The following ME2 variants were observed in gnomAD, a reference collection of about 807,000 sequenced individuals.
ME2 encodes the protein malic enzyme 2, also known as NAD-dependent malic enzyme, mitochondrial.
Under a neutral mutation model 73.7 loss-of-function variants are expected in ME2, and 60 were observed. The ratio of observed to expected loss-of-function variants is 0.81; its 90% CI spans 0.66 to 1.01. The LOEUF (loss-of-function observed/expected upper bound fraction) is 1.01, where lower values mean the gene tolerates loss of function less well. Ranked by LOEUF, ME2 falls within the 50% of genes least tolerant of loss-of-function variation. ME2 has a pLI of 0.00. For missense variants in ME2, 594 were observed against 705.5 expected, an observed-to-expected ratio of 0.84 and a Z score of 1.79; for synonymous variants, 199 against 236.9, an observed-to-expected ratio of 0.84 and a Z score of 1.47.
At chr18:50,924,016 G>A in intron 10 of ME2, 82 bp from the exon 11 acceptor site, 1 of 834,952 alleles carries the variant, frequency 1.2e-6, no homozygotes, top group Non-Finnish European at 2.0e-6. Flanking sequence ...TAGAAACAAT[G>A]TGTAACTCAT....
intron 1 of ME2, among the ~76,000 whole-genome samples, chr18:50,886,956 G>A (rs1312131166): frequency 1.3e-5 from 2 of 152,040 alleles, no homozygotes; most frequent in Non-Finnish European, 2.9e-5. Flanking sequence ...AGCTGAGATC[G>A]TGCCACTGCA....
chr18:50,938,191 G>A lies in ME2; in HGVS notation c.1418-1379G>A, dbSNP rs146344967. 2.3e-3 allele frequency among the ~76,000 whole-genome samples: 353 copies of A among 152,218 alleles called. 2 individuals are homozygous for A. The highest frequency in any genetic ancestry group is 8.3e-3 in the African/African-American group (344 of 41,526). The stretch of plus-strand genomic sequence containing the variant: ...AAAAATAAAAAAATTAGCCAGGTGC[G>A]ATGGTACATGCCTGTAATCCCAGCT... On this transcript the variant is annotated intron_variant, in intron 13 of 15. Coordinates refer to ENST00000321341, the MANE Select transcript of ME2 (RefSeq NM_002396.5).
Position 50,926,341 on chromosome 18 carries a change from A to G in ME2, c.1314+443A>G, listed in dbSNP as rs140786265. Reference sequence around the variant, plus strand: ...TGCCTTCATTTTGAAGGATATTTTCACTCTGCATAGACGTAAAAGTTGGTA... The same window carrying G: ...TGCCTTCATTTTGAAGGATATTTTCGCTCTGCATAGACGTAAAAGTTGGTA... On this transcript the variant is annotated intron_variant, in intron 12 of 15. Coordinates refer to ENST00000321341, the MANE Select transcript of ME2 (RefSeq NM_002396.5). 2.3e-3 allele frequency among the ~76,000 whole-genome samples: 352 copies of G among 152,040 alleles called. 2 individuals are homozygous for G. Among genetic ancestry groups the G allele is most frequent in the African/African-American group, 8.3e-3 (344 of 41,462 alleles).
At chr18:50,939,904 T>C in intron 14 of ME2, 1 of 437,544 alleles carries the variant, frequency 2.3e-6, no homozygotes, top group Non-Finnish European at 4.1e-6. Context: ...TGTGACAGCA[T>C]AGATAACTCC....
Position 50,939,663 on chromosome 18 carries a change from A to G in ME2, c.1488+23A>G, listed in dbSNP as rs1193621289. On this transcript the variant is annotated intron_variant, in intron 14 of 15. Transcript: ENST00000321341. ...AAGGTAAATGTTTTAAATGTTGTTT[A>G]TTTTATAAAGGATGAATTATAAAGA... 3.3e-6 allele frequency: 5 copies of G among 1,518,658 alleles called. No homozygotes were observed. The Admixed American group carries it at 8.4e-5, about 26-fold the overall frequency. The allele number at this position is 1,518,658 out of a possible 1,614,324, so 94.1% of individuals were successfully genotyped here. A position where few individuals can be genotyped will look rare whatever the true frequency, so the allele number is the denominator to read the frequency against.
rs1568167765 is a variant in ME2, at chr18:50,917,428, C to T, written c.550C>T (p.Leu184Phe). 4 of 1,613,598 alleles carry T rather than the reference C, an allele frequency of 2.5e-6. No individual in the cohort carries two copies. In the Middle Eastern group the frequency reaches 5.0e-4, roughly 200 times the overall value. ...TGGAATGGGAATTCCAGTAGGAAAA[C>T]TTTGTTTGTATACAGCTTGTGCAGG... ...VYGMGIPVGKLCLYTACAGIR... is the reference protein window; with the variant it reads ...VYGMGIPVGKFCLYTACAGIR... The change falls in exon 6 of 16, where the codon CTT (leucine) becomes TTT (phenylalanine). Residue 184 changes from leucine (L) to phenylalanine (F), a missense_variant. By Grantham distance (22) the Leu-to-Phe change is conservative (BLOSUM62 0). Transcript: ENST00000321341.
At chr18:50,917,770 G>A (rs1472679512) in intron 6 of ME2, among the ~76,000 whole-genome samples, 2 of 152,014 alleles carry the variant, frequency 1.3e-5, no homozygotes, top group Non-Finnish European at 2.9e-5. Flanking sequence ...TCAGGAGTTC[G>A]AGACCAGCCT....
intron 3 of ME2, among the ~76,000 whole-genome samples, chr18:50,909,537 C>G (rs557140939): frequency 6.6e-6 from 1 of 152,040 alleles, no homozygotes; most frequent in Non-Finnish European, 1.5e-5. Flanking sequence ...GTAGAGGGAT[C>G]GGTCTGCATA....
intron 10 of ME2, among the ~76,000 whole-genome samples, chr18:50,921,870 C>G (rs1264993710): frequency 6.6e-6 from 1 of 152,186 alleles, no homozygotes; most frequent in Admixed American, 6.5e-5. Flanking sequence ...AACTTAGTAC[C>G]TTTGGGCCTG....
rs116861282 is a variant in ME2 at position 50,896,067 on chromosome 18, G to A, written c.108+139G>A. 3,221 of 603,454 alleles carry A rather than the reference G, an allele frequency of 5.3e-3. 13 individuals carry two copies. Among genetic ancestry groups the A allele is most frequent in the Middle Eastern group, 0.017 (45 of 2,614 alleles). The allele number at this position is 603,454 out of a possible 1,614,324, so 37.4% of individuals were successfully genotyped here. On this transcript the variant is annotated intron_variant, in intron 2 of 15. Transcript: ENST00000321341. ...ATAGTTGTTTACATGAAATTTTCAC[G>A]CTTCTCCACATGGCAAAATCGTGGT...
intron 15 of ME2, among the ~76,000 whole-genome samples, chr18:50,946,208 T>C (rs999370221): frequency 7.9e-5 from 12 of 152,198 alleles, no homozygotes; most frequent in African/African-American, 2.7e-4. Context: ...TGTTTCACAT[T>C]CCTCATTTTA....
At chr18:50,906,753 T>C (rs901945460) in intron 2 of ME2, among the ~76,000 whole-genome samples, 7 of 152,204 alleles carry the variant, frequency 4.6e-5, no homozygotes, top group African/African-American at 1.7e-4. Context: ...GCCAAGTGGC[T>C]CTGTGTGCAT....
chr18:50,927,803 T>A (rs2144249896), intron 12 of ME2, among the ~76,000 whole-genome samples: 1 of 128,064 alleles, frequency 7.8e-6, no homozygotes, highest in East Asian at 2.3e-4. Flanking sequence ...TTATATCTTG[T>A]CATTTAATTT....
intron 1 of ME2, among the ~76,000 whole-genome samples, chr18:50,890,756 A>G (rs1010133461): frequency 6.6e-6 from 1 of 152,198 alleles, no homozygotes; most frequent in Non-Finnish European, 1.5e-5. Context: ...TTAATTACAT[A>G]TATTACAATT....
intron 2 of ME2, among the ~76,000 whole-genome samples, chr18:50,898,596 T>C (rs576979165): frequency 6.6e-6 from 1 of 152,140 alleles, no homozygotes; most frequent in Non-Finnish European, 1.5e-5. Flanking sequence ...TACACCTGGC[T>C]ACTTTTTGTA....
chr18:50,885,953 T>C (rs1916452878), intron 1 of ME2, among the ~76,000 whole-genome samples: 1 of 152,178 alleles, frequency 6.6e-6, no homozygotes, highest in African/African-American at 2.4e-5. Flanking sequence ...AAGAATTCTC[T>C]TATATAGCAA....
At chr18:50,935,770 A>G (rs111302101) in intron 13 of ME2, 43 of 149,100 alleles carry the variant, frequency 2.9e-4, no homozygotes, top group Middle Eastern at 3.4e-3. Context: ...AAAAAAAAAA[A>G]AAGAGTGAAT....
intron 2 of ME2, among the ~76,000 whole-genome samples, chr18:50,900,841 AG>A (rs1267762329): frequency 1.3e-5 from 2 of 152,098 alleles, no homozygotes; most frequent in Non-Finnish European, 2.9e-5. Flanking sequence ...CCCTGGGTAG[AG>A]GGGCCTTCTA....
Position 50,947,356 on chromosome 18 carries a change from G to A in ME2, c.*172G>A, listed in dbSNP as rs1918110355. On this transcript the variant is annotated 3_prime_UTR_variant, in exon 16 of 16. Transcript: ENST00000321341. The stretch of plus-strand genomic sequence containing the variant: ...ATCTGTTGGGGTAGACGTGTTGATT[G>A]ATTGCATTGCCCACCAGCACCCTAC... 3.3e-6 allele frequency: 2 copies of A among 609,436 alleles called. No individual in the cohort carries two copies. Among genetic ancestry groups the A allele is most frequent in the East Asian group, 5.6e-5 (2 of 35,546 alleles). The allele number at this position is 609,436 out of a possible 1,614,324, so 37.8% of individuals were successfully genotyped here. A position where few individuals can be genotyped will look rare whatever the true frequency, so the allele number is the denominator to read the frequency against.
Sources: gnomAD v4.1 joint callset for allele counts (sites outside exome capture counted in the v4.1 genomes callset) on GRCh38, gnomAD v4.1.1 for gene constraint, MANE v1.5 for transcripts, NCBI Gene and HGNC (gene_info 2026-07-23, HGNC 2026-07-21) for gene names.